The following RIMS1 variants were observed in gnomAD, a reference collection of about 807,000 sequenced individuals.
The protein encoded by RIMS1 is regulating synaptic membrane exocytosis 1.
In RIMS1, 83 loss-of-function variants were observed where a neutral mutation model predicts 214.1. The ratio of observed to expected loss-of-function variants is 0.39; its 90% confidence interval spans 0.32 to 0.47. The LOEUF is 0.47. RIMS1 is among the 20% of genes least tolerant of loss of function. The probability of loss-of-function intolerance (pLI) is 0.99; values close to 1 mark genes in which losing one functional copy is unlikely to be tolerated. For synonymous variants in RIMS1, 793 were observed against 786.8 expected (o/e 1.01, Z -0.13); for missense variants, 2,050 against 2,161.8 (o/e 0.95, Z 1.03).
chr6:72,379,187 A>C (rs1358528613), intron 29 of RIMS1, among the ~76,000 whole-genome samples: 1 of 152,264 alleles, frequency 6.6e-6, no homozygotes, highest in East Asian at 1.9e-4. Flanking sequence ...AACAAGGCAC[A>C]CACAGATAGT....
At chr6:71,912,487 A>G (rs1777211471) in intron 1 of RIMS1, among the ~76,000 whole-genome samples, 1 of 152,138 alleles carries the variant, frequency 6.6e-6, no homozygotes, top group Non-Finnish European at 1.5e-5. Flanking sequence ...TTAAATTGTA[A>G]TAGTTTATAA....
chr6:72,088,556 T>A (rs1248022278), intron 2 of RIMS1, among the ~76,000 whole-genome samples: 1 of 152,084 alleles, frequency 6.6e-6, no homozygotes, highest in Non-Finnish European at 1.5e-5. Context: ...CTGTGCCCGG[T>A]CACTTGAAAT....
chr6:72,098,994 G>A (rs1300424223), intron 3 of RIMS1, among the ~76,000 whole-genome samples: 2 of 152,136 alleles, frequency 1.3e-5, no homozygotes, highest in African/African-American at 4.8e-5. Flanking sequence ...CATTCTTACA[G>A]GTAAAACTTG....
intron 2 of RIMS1, among the ~76,000 whole-genome samples, chr6:72,038,877 C>A (rs1404602737): frequency 6.6e-6 from 1 of 152,018 alleles, no homozygotes; most frequent in Non-Finnish European, 1.5e-5. Context: ...TTCCTATTGC[C>A]CTGAACTGGC....
intron 2 of RIMS1, among the ~76,000 whole-genome samples, chr6:72,021,890 C>T (rs1814806162): frequency 6.6e-6 from 1 of 152,086 alleles, no homozygotes; most frequent in African/African-American, 2.4e-5. Flanking sequence ...GAGTAAGTCC[C>T]AGAAGTTGTA....
chr6:72,085,641 GT>G (rs1448747286), intron 2 of RIMS1, among the ~76,000 whole-genome samples: 5 of 152,026 alleles, frequency 3.3e-5, no homozygotes, highest in African/African-American at 1.2e-4. Context: ...CCACATGGTG[GT>G]CTCTGGATAA....
At chr6:72,306,949 CAATTA>C (rs1306681814) in intron 26 of RIMS1, among the ~76,000 whole-genome samples, 2 of 152,184 alleles carry the variant, frequency 1.3e-5, no homozygotes, top group Non-Finnish European at 1.5e-5. Flanking sequence ...AACATTCTTA[CAATTA>C]AATTTGGTTT....
chr6:71,927,834 CA>C (rs1781975027), intron 1 of RIMS1, among the ~76,000 whole-genome samples: 2 of 152,140 alleles, frequency 1.3e-5, no homozygotes, highest in South Asian at 4.1e-4. Flanking sequence ...AAATAGAATT[CA>C]ATTGCCAGGT....
intron 6 of RIMS1, among the ~76,000 whole-genome samples, chr6:72,191,796 TATG>T (rs1304568113): frequency 1.3e-5 from 2 of 152,164 alleles, no homozygotes; most frequent in Non-Finnish European, 2.9e-5. Context: ...TGGTTAAGCT[TATG>T]ATAATTCACT....
chr6:72,028,056 A>G (rs909803674), intron 2 of RIMS1, among the ~76,000 whole-genome samples: 2 of 152,178 alleles, frequency 1.3e-5, no homozygotes, highest in Admixed American at 6.6e-5. Context: ...ACCAGGTTGT[A>G]TAGGCTATCA....
At chr6:72,036,601 T>C (rs1302875381) in intron 2 of RIMS1, among the ~76,000 whole-genome samples, 3 of 152,166 alleles carry the variant, frequency 2.0e-5, no homozygotes, top group African/African-American at 7.2e-5. Flanking sequence ...TATTGGAAAA[T>C]ATTTTCACTT....
intron 3 of RIMS1, 150 bp downstream of exon 3, chr6:72,097,312 A>G (rs759105065): frequency 1.0e-5 from 7 of 678,540 alleles, no homozygotes; most frequent in Non-Finnish European, 1.8e-5. Context: ...CATGTCCTTA[A>G]TAAGGTAGTG....
At chr6:72,204,371 A>G (rs1249885172) in intron 6 of RIMS1, among the ~76,000 whole-genome samples, 1 of 152,172 alleles carries the variant, frequency 6.6e-6, no homozygotes, top group African/African-American at 2.4e-5. Context: ...AATGAAATCC[A>G]AAAAACTTCA....
chr6:72,171,294 T>A (rs2046985823), intron 4 of RIMS1, among the ~76,000 whole-genome samples: 1 of 150,332 alleles, frequency 6.7e-6, no homozygotes, highest in Non-Finnish European at 1.5e-5. Flanking sequence ...ATATAATACA[T>A]ATATTTATAC....
In RIMS1 at chr6:72,182,677, G is replaced by C; in HGVS notation, c.1206G>C (p.Ala402=). 1 of 1,443,142 alleles carries C rather than the reference G, an allele frequency of 6.9e-7. No homozygotes were observed. The allele number at this position is 1,443,142 out of a possible 1,614,324, so 89.4% of individuals were successfully genotyped here. The part of the protein sequence containing the change: ...DVALPRTEAG[A]ALPEGKAGKR... ...CGCTCCCGCGCACCGAGGCGGGCGC[G>C]GCGCTGCCGGAGGGCAAGGCCGGCA... Residue 402 remains alanine (A), a synonymous_variant, in exon 6 of 34, where the codon GCG becomes GCC. Coordinates refer to ENST00000521978, the MANE Select transcript of RIMS1 (RefSeq NM_014989.7).
At chr6:72,363,645 A>T (rs895922462) in intron 29 of RIMS1, among the ~76,000 whole-genome samples, 6 of 152,200 alleles carry the variant, frequency 3.9e-5, no homozygotes, top group African/African-American at 1.4e-4. Flanking sequence ...TTTATTAAGC[A>T]CTACTGGAAA....
intron 2 of RIMS1, among the ~76,000 whole-genome samples, chr6:72,053,994 G>T (rs1346168108): frequency 6.6e-6 from 1 of 152,046 alleles, no homozygotes; most frequent in African/African-American, 2.4e-5. Context: ...TGCCATGGTG[G>T]TTTGCTGGAC....
chr6:72,307,130 A>G (rs969263127), intron 26 of RIMS1, 128 bp from the exon 27 acceptor site: 1 of 635,174 alleles, frequency 1.6e-6, no homozygotes, highest in Admixed American at 2.7e-5. Context: ...TGTTTAATTT[A>G]TTAATCATGT....
intron 29 of RIMS1, among the ~76,000 whole-genome samples, chr6:72,378,559 G>T (rs998309145): frequency 6.6e-6 from 1 of 152,218 alleles, no homozygotes; most frequent in African/African-American, 2.4e-5. Flanking sequence ...GGCAGGTGTA[G>T]TGGCTTATGC....
Sources: gnomAD v4.1 joint callset for allele counts (sites outside exome capture counted in the v4.1 genomes callset) on GRCh38, gnomAD v4.1.1 for gene constraint, MANE v1.5 for transcripts, NCBI Gene and HGNC (gene_info 2026-07-23, HGNC 2026-07-21) for gene names.